ERBB4: variants seen among roughly 807,000 people sequenced by gnomAD.
ERBB4 encodes erb-b2 receptor tyrosine kinase 4, also known as receptor tyrosine-protein kinase erbB-4.
Under a neutral mutation model 158.0 loss-of-function variants are expected in ERBB4, and 42 were observed. The observed-to-expected ratio is 0.27, with a 90% CI of 0.21 to 0.34. ERBB4 has a LOEUF of 0.34. ERBB4 is among the 10% of genes least tolerant of loss of function. The pLI, the probability that ERBB4 is intolerant of heterozygous loss-of-function variation, is 1.00. For missense variants in ERBB4, 1,333 were observed against 1,624.1 expected (o/e 0.82, Z 3.08); for synonymous variants, 583 against 558.7 (o/e 1.04, Z -0.61).
chr2:212,328,938 T>C (rs2087995453), intron 1 of ERBB4, among the ~76,000 whole-genome samples: 1 of 152,046 alleles, frequency 6.6e-6, no homozygotes, highest in Non-Finnish European at 1.5e-5. Flanking sequence ...ACATGCATTT[T>C]CTGAACTGAA....
chr2:211,547,633 T>G (rs1449082913), intron 20 of ERBB4, among the ~76,000 whole-genome samples: 1 of 152,096 alleles, frequency 6.6e-6, no homozygotes, highest in African/African-American at 2.4e-5. Context: ...AAAATCACTG[T>G]GCTCCTAAAA....
chr2:212,033,805 T>G (rs2076955107), intron 2 of ERBB4, among the ~76,000 whole-genome samples: 1 of 151,934 alleles, frequency 6.6e-6, no homozygotes, highest in Admixed American at 6.6e-5. Flanking sequence ...CTTTGGTAAA[T>G]TATTTAACAG....
chr2:211,483,518 T>TTTTTGTTTGTTTTTC (rs1186896856), intron 20 of ERBB4, among the ~76,000 whole-genome samples: 1 of 151,928 alleles, frequency 6.6e-6, no homozygotes, highest in African/African-American at 2.4e-5. Context: ...CACATTTCTT[T>TTTTTGTTTGTTTTTC]TTTTGTTTGT....
intron 12 of ERBB4, among the ~76,000 whole-genome samples, chr2:211,697,543 G>T (rs1168777855): frequency 6.6e-6 from 1 of 151,900 alleles, no homozygotes; most frequent in African/African-American, 2.4e-5. Flanking sequence ...AAAATTTAAT[G>T]AATTTAATTT....
At chr2:211,448,467 TACA>T (rs1464177264) in intron 20 of ERBB4, among the ~76,000 whole-genome samples, 1 of 149,540 alleles carries the variant, frequency 6.7e-6, no homozygotes, top group Non-Finnish European at 1.5e-5. Flanking sequence ...CCCAAACAGA[TACA>T]CACACACACA....
intron 1 of ERBB4, among the ~76,000 whole-genome samples, chr2:212,460,693 T>C (rs751238430): frequency 3.9e-5 from 6 of 152,098 alleles, no homozygotes; most frequent in Non-Finnish European, 5.9e-5. Context: ...GTTTTGTAAA[T>C]AGAGAAGAGC....
intron 1 of ERBB4, among the ~76,000 whole-genome samples, chr2:212,301,936 A>G (rs548269262): frequency 3.3e-5 from 5 of 151,608 alleles, no homozygotes; most frequent in African/African-American, 9.6e-5. Flanking sequence ...AAGAAATGCA[A>G]CGCTATTGAG....
chr2:211,410,918 G>C (rs2063243513), intron 25 of ERBB4, among the ~76,000 whole-genome samples: 1 of 152,066 alleles, frequency 6.6e-6, no homozygotes, highest in African/African-American at 2.4e-5. Flanking sequence ...ATTTTGTTTT[G>C]TTTTATTTTG....
chr2:212,476,711 T>C (rs1366141214), intron 1 of ERBB4, among the ~76,000 whole-genome samples: 1 of 152,122 alleles, frequency 6.6e-6, no homozygotes, highest in Non-Finnish European at 1.5e-5. Flanking sequence ...ACTTTCCTCA[T>C]ATATACATTA....
chr2:212,329,823 G>C (rs1374596144), intron 1 of ERBB4, among the ~76,000 whole-genome samples: 1 of 152,020 alleles, frequency 6.6e-6, no homozygotes, highest in East Asian at 1.9e-4. Flanking sequence ...TCAGAAAAAG[G>C]TTCCTGAAGT....
chr2:212,154,664 C>T (rs574197249), intron 1 of ERBB4, among the ~76,000 whole-genome samples: 3 of 151,942 alleles, frequency 2.0e-5, no homozygotes, highest in Non-Finnish European at 2.9e-5. Context: ...TCTAATTTGA[C>T]AATAATGAGC....
chr2:212,374,103 TAC>T (rs1361406177), intron 1 of ERBB4, among the ~76,000 whole-genome samples: 2 of 146,092 alleles, frequency 1.4e-5, no homozygotes, highest in African/African-American at 5.0e-5. Flanking sequence ...TATATATATA[TAC>T]ACACACATAT....
At chr2:212,486,150 AC>A (rs1689966865) in intron 1 of ERBB4, among the ~76,000 whole-genome samples, 1 of 151,600 alleles carries the variant, frequency 6.6e-6, no homozygotes, top group Admixed American at 6.6e-5. Context: ...TTAAGAAAAA[AC>A]ATGCAAACAA....
chr2:212,440,830 C>A (rs1400451800), intron 1 of ERBB4, among the ~76,000 whole-genome samples: 1 of 152,048 alleles, frequency 6.6e-6, no homozygotes, highest in Non-Finnish European at 1.5e-5. Flanking sequence ...TGTGGAGAAC[C>A]AAGGAACGTA....
chr2:211,721,507 T>C (rs116038963), intron 7 of ERBB4, among the ~76,000 whole-genome samples: 2,458 of 141,818 alleles, frequency 0.017, 69 homozygotes, highest in African/African-American at 0.063. Context: ...GAATACCTGA[T>C]GAAAGTTAAG....
At chr2:212,158,761 AAT>A (rs2081116572) in intron 1 of ERBB4, among the ~76,000 whole-genome samples, 1 of 152,006 alleles carries the variant, frequency 6.6e-6, no homozygotes, top group Non-Finnish European at 1.5e-5. Context: ...AATATCTGTC[AAT>A]ATGAGATGAA....
At chr2:211,867,414 C>T (rs2078237706) in intron 3 of ERBB4, among the ~76,000 whole-genome samples, 1 of 152,160 alleles carries the variant, frequency 6.6e-6, no homozygotes, top group Admixed American at 6.6e-5. Flanking sequence ...TAAACACACA[C>T]ATCATCCCAG....
At chr2:211,492,696 A>G (rs1027898766) in intron 20 of ERBB4, among the ~76,000 whole-genome samples, 3 of 152,052 alleles carry the variant, frequency 2.0e-5, no homozygotes, top group African/African-American at 7.2e-5. Flanking sequence ...CCCTCTCTTA[A>G]CCTCCATTCA....
chr2:211,704,128 G>A lies in ERBB4; in HGVS notation c.1265C>T (p.Thr422Ile), dbSNP rs2073351338. Residue 422 changes from threonine to isoleucine, a missense_variant, in exon 11 of 28, where the codon ACC (threonine) becomes ATC (isoleucine). Thr to Ile is a moderately conservative substitution (Grantham distance 89). Coordinates refer to ENST00000342788, the MANE Select transcript of ERBB4 (RefSeq NM_005235.3). ...CCTATAGAGTACTCTTCCACCAATG[G>A]TCACCAGGTTAGAAAAAACACTGAA... ...TDFSVFSNLV[T>I]IGGRVLYSGL... The A allele has an allele frequency of 6.2e-7, 1 of 1,609,974 alleles. No individual in the cohort carries two copies. The highest frequency in any genetic ancestry group is 2.2e-5 in the East Asian group (1 of 44,826).
Sources: gnomAD v4.1 joint callset for allele counts (sites outside exome capture counted in the v4.1 genomes callset) on GRCh38, gnomAD v4.1.1 for gene constraint, MANE v1.5 for transcripts, NCBI Gene and HGNC (gene_info 2026-07-23, HGNC 2026-07-21) for gene names.